The following ARHGEF37 variants were observed in gnomAD, a reference collection of about 807,000 sequenced individuals.
ARHGEF37 encodes the protein Rho guanine nucleotide exchange factor (GEF) 37.
A neutral mutation model predicts 71.1 loss-of-function variants in ARHGEF37; 55 were observed. The ratio of observed to expected loss-of-function variants is 0.77; its 90% CI spans 0.62 to 0.97. ARHGEF37 has a LOEUF of 0.97. ARHGEF37 is among the 50% of genes least tolerant of loss of function. The pLI is 0.00. For synonymous variants in ARHGEF37, 327 were observed against 350.6 expected (o/e 0.93, Z 0.75); for missense variants, 765 against 836.8 (o/e 0.91, Z 1.06).
At position 149,616,449 on chromosome 5, in the gene ARHGEF37, G is replaced by C. The variant is rs188586010; in HGVS notation, c.459-118G>C. The C allele has an allele frequency of 6.4e-5, 58 of 903,886 alleles. No homozygotes were observed. In the African/African-American group the frequency reaches 8.3e-4, roughly 13 times the overall value. The allele number at this position is 903,886 out of a possible 1,614,324, so 56.0% of individuals were successfully genotyped here. A position where few individuals can be genotyped will look rare whatever the true frequency, so the allele number is the denominator to read the frequency against. Reference sequence around the variant, plus strand: ...TGAGGAACTGGAGGATCGCAGAGAGGGGGTGACTTGCCTGAGATCACACAG... The same window carrying C: ...TGAGGAACTGGAGGATCGCAGAGAGCGGGTGACTTGCCTGAGATCACACAG... On this transcript the variant is annotated intron_variant, in intron 4 of 12. Transcript: ENST00000333677.
chr5:149,583,359 A>G (rs1763155292), intron 1 of ARHGEF37, among the ~76,000 whole-genome samples: 1 of 152,030 alleles, frequency 6.6e-6, no homozygotes, highest in Non-Finnish European at 1.5e-5. Context: ...CTGATTGCAA[A>G]CTCCTGAGCT....
intron 1 of ARHGEF37, among the ~76,000 whole-genome samples, chr5:149,595,825 C>G (rs951568206): frequency 1.3e-5 from 2 of 152,122 alleles, no homozygotes; most frequent in Non-Finnish European, 2.9e-5. Flanking sequence ...TGATTTGGAC[C>G]TAAACCCAGT....
At position 149,566,207 on chromosome 5, in the gene ARHGEF37, C is replaced by G. The variant is rs567950200; in HGVS notation, c.-12+14084C>G. Among the ~76,000 whole-genome samples the G allele has an allele frequency of 1.1e-4, 17 of 151,614 alleles. No individual in the cohort carries two copies. The East Asian group carries it at 3.3e-3, about 30-fold the overall frequency. On this transcript the variant is annotated intron_variant, in intron 1 of 2. Coordinates refer to the ARHGEF37 transcript ENST00000505810. ...TTAGACTCATTGAACCTTCAAAAACCCTATGTGGGACAGGCGAGGTGGTTC... is the reference window on the plus strand; with the variant it reads ...TTAGACTCATTGAACCTTCAAAAACGCTATGTGGGACAGGCGAGGTGGTTC...
At chr5:149,567,648 G>A (rs757301450) in intron 1 of ARHGEF37, among the ~76,000 whole-genome samples, 2 of 152,054 alleles carry the variant, frequency 1.3e-5, no homozygotes, top group Non-Finnish European at 2.9e-5. Flanking sequence ...ACCTGTTAAC[G>A]TTTATTTTCG....
intron 12 of ARHGEF37, among the ~76,000 whole-genome samples, chr5:149,629,204 A>C (rs1752800912): frequency 5.9e-5 from 8 of 135,574 alleles, no homozygotes; most frequent in African/African-American, 1.7e-4. Context: ...CCTCATCAGC[A>C]GGGCAAGTGA....
In ARHGEF37 at chr5:149,597,739, G is replaced by T; in HGVS notation, c.-11-20G>T. ...ATAGTTCTTCCTGGAAGTGAGTGGG[G>T]ATGCTTTTGCTTTTCCCAGAACCTG... On this transcript the variant is annotated intron_variant, in intron 1 of 12. Transcript: ENST00000333677. 6.6e-7 allele frequency: 1 copy of T among 1,512,126 alleles called. No homozygotes were observed. The highest frequency in any genetic ancestry group is 2.4e-5 in the Admixed American group (1 of 42,290). The allele number at this position is 1,512,126 out of a possible 1,614,324, so 93.7% of individuals were successfully genotyped here. A position where few individuals can be genotyped will look rare whatever the true frequency, so the allele number is the denominator to read the frequency against.
intron 1 of ARHGEF37, among the ~76,000 whole-genome samples, chr5:149,566,872 T>A (rs1401719598): frequency 6.6e-6 from 1 of 152,192 alleles, no homozygotes; most frequent in African/African-American, 2.4e-5. Context: ...CTTCTAATTA[T>A]ATATATAATC....
At chr5:149,581,820 G>A (rs1763114521) in intron 1 of ARHGEF37, among the ~76,000 whole-genome samples, 196 bp downstream of exon 1, 1 of 152,128 alleles carries the variant, frequency 6.6e-6, no homozygotes, top group Admixed American at 6.5e-5. Flanking sequence ...TGGTCCATAT[G>A]GCCTACCCTA....
At chr5:149,584,557 G>A (rs530725914) in intron 1 of ARHGEF37, among the ~76,000 whole-genome samples, 1 of 151,940 alleles carries the variant, frequency 6.6e-6, no homozygotes, top group South Asian at 2.1e-4. Flanking sequence ...AAAATATTGG[G>A]ATGTTTTTTC....
intron 3 of ARHGEF37, among the ~76,000 whole-genome samples, chr5:149,607,346 C>T (rs948530128): frequency 3.9e-5 from 6 of 152,368 alleles, no homozygotes; most frequent in African/African-American, 1.4e-4. Context: ...AGGTGTCCTT[C>T]CCTAATACTT....
intron 1 of ARHGEF37, among the ~76,000 whole-genome samples, chr5:149,570,342 G>A (rs1762947627): frequency 6.6e-6 from 1 of 152,004 alleles, no homozygotes; most frequent in Non-Finnish European, 1.5e-5. Context: ...GGGAGGCCGA[G>A]GTGGGTGGAT....
At chr5:149,625,151 C>T (rs1041852798) in intron 10 of ARHGEF37, among the ~76,000 whole-genome samples, 11 of 152,102 alleles carry the variant, frequency 7.2e-5, no homozygotes, top group African/African-American at 2.4e-4. Context: ...GTGATCCACC[C>T]GCCTCAGCCT....
At chr5:149,607,915 C>T (rs538818614) in intron 3 of ARHGEF37, among the ~76,000 whole-genome samples, 27 of 151,916 alleles carry the variant, frequency 1.8e-4, no homozygotes, top group African/African-American at 4.3e-4. Flanking sequence ...TACAGGTGCC[C>T]GCCACCATGC....
chr5:149,568,921 AT>A (rs76021776), intron 1 of ARHGEF37, among the ~76,000 whole-genome samples: 27,560 of 150,774 alleles, frequency 0.18, 2,704 homozygotes, highest in East Asian at 0.42. Context: ...AACTGTTCTG[AT>A]TTTTTTTTAT....
chr5:149,568,547 G>A (rs753106236), intron 1 of ARHGEF37, among the ~76,000 whole-genome samples: 3 of 151,940 alleles, frequency 2.0e-5, no homozygotes, highest in Non-Finnish European at 4.4e-5. Context: ...ACAATACATT[G>A]GCCGCGTGGT....
intron 4 of ARHGEF37, among the ~76,000 whole-genome samples, chr5:149,610,347 G>T (rs1248988553): frequency 6.6e-6 from 1 of 152,216 alleles, no homozygotes; most frequent in African/African-American, 2.4e-5. Context: ...CCAGTCCGTG[G>T]TGGACTCATA....
chr5:149,632,787 T>C lies in ARHGEF37; in HGVS notation c.*596T>C, dbSNP rs1752924956. ...GGTGTAGCAGAGAGGTTCCCAAGAC[T>C]CTTGACTGGTCCTGGGAGTGGGTGT... On this transcript the variant is annotated 3_prime_UTR_variant, in exon 13 of 13. Coordinates refer to ENST00000333677, the MANE Select transcript of ARHGEF37 (RefSeq NM_001001669.3). 1 of 155,512 alleles carries C rather than the reference T, an allele frequency of 6.4e-6. No individual in the cohort carries two copies. The highest frequency in any genetic ancestry group is 2.4e-5 in the African/African-American group (1 of 41,484). The allele number at this position is 155,512 out of a possible 1,614,324, so 9.6% of individuals were successfully genotyped here. A position where few individuals can be genotyped will look rare whatever the true frequency, so the allele number is the denominator to read the frequency against.
chr5:149,623,950 A>G lies in ARHGEF37; in HGVS notation c.1336-62A>G, dbSNP rs553658700. On this transcript the variant is annotated intron_variant, in intron 9 of 12. Transcript: ENST00000333677. ...GTTGAAAATAATATAAACCCAAAGC[A>G]AGCCAGGGATCTCATTGTCCCCTCT... 22 of 1,529,044 alleles carry G rather than the reference A, an allele frequency of 1.4e-5. No homozygotes were observed. In the South Asian group the frequency reaches 2.5e-4, roughly 17 times the overall value. The allele number at this position is 1,529,044 out of a possible 1,614,324, so 94.7% of individuals were successfully genotyped here. A position where few individuals can be genotyped will look rare whatever the true frequency, so the allele number is the denominator to read the frequency against.
upstream of ARHGEF37, among the ~76,000 whole-genome samples, chr5:149,579,456 G>C (rs1162332478): frequency 6.6e-6 from 1 of 152,168 alleles, no homozygotes; most frequent in African/African-American, 2.4e-5. Flanking sequence ...GAGAACCTTA[G>C]AGATCACCTC....
Sources: allele counts gnomAD v4.1 joint callset (sites outside exome capture counted in the v4.1 genomes callset), GRCh38; gene constraint gnomAD v4.1.1; transcripts MANE v1.5; gene names NCBI Gene and HGNC (gene_info 2026-07-23, HGNC 2026-07-21).